KSR2: variants seen among roughly 807,000 people sequenced by gnomAD.
KSR2 encodes kinase suppressor of ras 2.
In KSR2, 25 loss-of-function variants were observed where a neutral mutation model predicts 107.8. The observed-to-expected ratio is 0.23, with a 90% confidence interval of 0.17 to 0.32. KSR2 has a LOEUF of 0.32. KSR2 is among the 10% of genes least tolerant of loss of function. KSR2 has a pLI of 1.00. For synonymous variants in KSR2, 480 were observed against 507.0 expected, an observed-to-expected ratio of 0.95 and a Z score of 0.71; for missense variants, 887 against 1,268.9, an observed-to-expected ratio of 0.70 and a Z score of 4.57.
rs180889816 is a variant in KSR2, at chr12:117,841,163, T to A, written c.472+14265A>T. 1.2e-3 allele frequency among the ~76,000 whole-genome samples: 178 copies of A among 152,122 alleles called. 1 individual carries two copies. Among genetic ancestry groups the A allele is most frequent in the African/African-American group, 3.8e-3 (157 of 41,492 alleles). ...TAGAGAAAGCAAAAAGCCACCTGAG[T>A]GAAAATCATGACTATAATGAACTGG... is the stretch of plus-strand genomic sequence containing the variant. On this transcript the variant is annotated intron_variant, in intron 3 of 19. Transcript: ENST00000339824.
At chr12:117,615,011 C>A (rs1008106211) in intron 5 of KSR2, among the ~76,000 whole-genome samples, 2 of 151,652 alleles carry the variant, frequency 1.3e-5, no homozygotes, top group Non-Finnish European at 2.9e-5. Flanking sequence ...CTTTCAGAGA[C>A]CTAGGATGCC....
chr12:117,883,292 T>TA (rs568968647), intron 1 of KSR2, among the ~76,000 whole-genome samples: 59 of 152,316 alleles, frequency 3.9e-4, no homozygotes, highest in Admixed American at 7.8e-4. Context: ...TTATTAATAA[T>TA]AAAAAACAGT....
At chr12:117,665,189 G>T (rs1565950689) in intron 5 of KSR2, among the ~76,000 whole-genome samples, 2 of 152,174 alleles carry the variant, frequency 1.3e-5, no homozygotes, top group Non-Finnish European at 1.5e-5. Context: ...GCCTCTTACT[G>T]CTGGGAGCCA....
At chr12:117,692,505 T>TATAC (rs1565963762) in intron 4 of KSR2, among the ~76,000 whole-genome samples, 2 of 104,770 alleles carry the variant, frequency 1.9e-5, no homozygotes, top group South Asian at 3.5e-4. Context: ...TATATATATA[T>TATAC]ACACACACAC....
chr12:117,712,496 C>A (rs1886823210), intron 4 of KSR2, among the ~76,000 whole-genome samples: 1 of 152,200 alleles, frequency 6.6e-6, no homozygotes, highest in African/African-American at 2.4e-5. Context: ...GCCCACCCAG[C>A]AACAAGACAT....
In KSR2 at chr12:117,462,264, T is replaced by C. The variant is rs962438956; in HGVS notation, c.*4935A>G. On this transcript the variant is annotated 3_prime_UTR_variant, in exon 20 of 20. Transcript: ENST00000339824. ...AAAAAAAAAAAAAAAAAAAAAGACA[T>C]GTTGAAGTCCTCATTCCTAGTACCT... is the stretch of plus-strand genomic sequence containing the variant. The C allele has an allele frequency of 6.5e-5, 7 of 108,248 alleles. No homozygotes were observed. The East Asian group carries it at 1.8e-3, about 27-fold the overall frequency. The allele number at this position is 108,248 out of a possible 1,614,324, so 6.7% of individuals were successfully genotyped here. A position where few individuals can be genotyped will look rare whatever the true frequency, so the allele number is the denominator to read the frequency against.
chr12:117,902,248 G>A (rs969440517), intron 1 of KSR2, among the ~76,000 whole-genome samples: 1 of 152,108 alleles, frequency 6.6e-6, no homozygotes, highest in Admixed American at 6.6e-5. Flanking sequence ...CACTTGAGGT[G>A]AGGAGTTTGA....
At chr12:117,938,590 A>C (rs201772405) in intron 1 of KSR2, among the ~76,000 whole-genome samples, 8 of 123,296 alleles carry the variant, frequency 6.5e-5, no homozygotes, top group Non-Finnish European at 1.3e-4. Flanking sequence ...AAATAAAGGC[A>C]AAAAAAAAAA....
intron 3 of KSR2, among the ~76,000 whole-genome samples, chr12:117,799,966 C>T (rs1194776219): frequency 6.6e-6 from 1 of 152,298 alleles, no homozygotes; most frequent in East Asian, 1.9e-4. Flanking sequence ...CCCTATGAAA[C>T]GAGGCTGGAC....
chr12:117,829,814 AG>A (rs1262918887), intron 3 of KSR2, among the ~76,000 whole-genome samples: 2 of 152,374 alleles, frequency 1.3e-5, no homozygotes, highest in African/African-American at 2.4e-5. Context: ...AGCCCACTCT[AG>A]TTCACTGGCT....
intron 3 of KSR2, among the ~76,000 whole-genome samples, chr12:117,795,748 C>A (rs1400474368): frequency 6.6e-6 from 1 of 152,138 alleles, no homozygotes; most frequent in African/African-American, 2.4e-5. Flanking sequence ...CCCGCCTCAA[C>A]CTCCCGAGTA....
chr12:117,608,420 A>G (rs1881409829), intron 5 of KSR2, among the ~76,000 whole-genome samples: 2 of 152,202 alleles, frequency 1.3e-5, no homozygotes, highest in African/African-American at 4.8e-5. Context: ...AGGCATCACT[A>G]TTATAATTTT....
In KSR2 at chr12:117,667,577, G is replaced by A; in HGVS notation, c.1068C>T (p.Arg356=). 4 of 1,613,058 alleles carry A rather than the reference G, an allele frequency of 2.5e-6. No homozygotes were observed. Among genetic ancestry groups the A allele is most frequent in the South Asian group, 1.1e-5 (1 of 90,866 alleles). ...GGGAGCGCTCGGACAGCAGCGGGGA[G>A]CGCTGCTGAGAGGGGATGTTCTCGC... ...GSCENIPSQQ[R]SPLLSERSLR... Residue 356 remains arginine (R), a synonymous_variant, in exon 5 of 20, where the codon CGC becomes CGT. Coordinates refer to ENST00000339824, the MANE Select transcript of KSR2 (RefSeq NM_173598.6).
At position 117,488,452 on chromosome 12, in the gene KSR2, T is replaced by A. The variant is rs145231447; in HGVS notation, c.2220-2761A>T. ...CCAATTCCGTATGTTGAAATCCTAA[T>A]CCCAACGTGATGGTATTAGGAGGTG... On this transcript the variant is annotated intron_variant, in intron 14 of 19. Coordinates refer to ENST00000339824, the MANE Select transcript of KSR2 (RefSeq NM_173598.6). 7.0e-3 allele frequency among the ~76,000 whole-genome samples: 1,062 copies of A among 152,262 alleles called. 15 individuals are homozygous for A. Among genetic ancestry groups the A allele is most frequent in the African/African-American group, 0.024 (1,016 of 41,548 alleles).
intron 3 of KSR2, among the ~76,000 whole-genome samples, chr12:117,845,321 A>AG (rs1178294155): frequency 6.6e-6 from 1 of 152,160 alleles, no homozygotes; most frequent in African/African-American, 2.4e-5. Context: ...TGGCCATGTA[A>AG]GCCTGCCTTC....
intron 5 of KSR2, among the ~76,000 whole-genome samples, chr12:117,656,987 T>TATATATAG (rs1884201396): frequency 3.7e-5 from 1 of 26,706 alleles, no homozygotes; most frequent in Non-Finnish European, 9.1e-5. Context: ...ATAGGATATA[T>TATATATAG]ATATATATAT....
intron 3 of KSR2, among the ~76,000 whole-genome samples, chr12:117,799,715 C>T (rs983250096): frequency 1.3e-5 from 2 of 152,180 alleles, no homozygotes; most frequent in African/African-American, 4.8e-5. Flanking sequence ...ACTCTCTTAA[C>T]ATCTCTGAGC....
intron 4 of KSR2, among the ~76,000 whole-genome samples, chr12:117,750,188 T>C (rs1224950856): frequency 6.6e-6 from 1 of 150,730 alleles, no homozygotes; most frequent in East Asian, 1.9e-4. Context: ...AGGCAGAGAT[T>C]GCAGTGAGCC....
intron 5 of KSR2, among the ~76,000 whole-genome samples, chr12:117,633,745 A>G (rs1363590483): frequency 6.6e-6 from 1 of 152,148 alleles, no homozygotes; most frequent in African/African-American, 2.4e-5. Flanking sequence ...AACTCATCGC[A>G]TCTGCAAAGA....
Sources: allele counts gnomAD v4.1 joint callset (sites outside exome capture counted in the v4.1 genomes callset), GRCh38; gene constraint gnomAD v4.1.1; transcripts MANE v1.5; gene names NCBI Gene and HGNC (gene_info 2026-07-23, HGNC 2026-07-21).